The following ZC3H12B variants were observed in gnomAD, a reference collection of about 807,000 sequenced individuals.
The protein encoded by ZC3H12B is zinc finger CCCH-type containing 12B, also known as probable ribonuclease ZC3H12B.
In ZC3H12B, 7 loss-of-function variants were observed where a neutral mutation model predicts 43.9. That is an observed-to-expected ratio of 0.16 (90% CI 0.09 to 0.30). The LOEUF (loss-of-function observed/expected upper bound fraction) is 0.30. Ranked by LOEUF, ZC3H12B falls within the 10% of genes least tolerant of loss-of-function variation. The pLI is 1.00. For synonymous variants in ZC3H12B, 222 were observed against 241.7 expected (o/e 0.92, Z 0.76); for missense variants, 475 against 670.2 (o/e 0.71, Z 3.22).
the ZC3H12B span, among the ~76,000 whole-genome samples, chrX:65,318,349 CTTCTTCCTTCT>C: frequency 3.7e-5 from 4 of 107,544 alleles, no homozygotes; most frequent in East Asian, 8.7e-4. Context: ...TTCTTTCTTC[CTTCTTCCTTCT>C]TTCTTCCTTC....
the ZC3H12B span, among the ~76,000 whole-genome samples, chrX:65,066,497 A>G: frequency 9.0e-6 from 1 of 111,324 alleles, no homozygotes; most frequent in African/African-American, 3.3e-5. Flanking sequence ...ATTGCTTCCT[A>G]TTCTTTCCTC....
the ZC3H12B span, among the ~76,000 whole-genome samples, chrX:65,284,772 AG>A: frequency 3.1e-4 from 35 of 111,673 alleles, no homozygotes; most frequent in African/African-American, 1.1e-3. Context: ...AAAAAAAAAA[AG>A]AAATTTACTA....
At chrX:65,171,287 T>A in the ZC3H12B span, among the ~76,000 whole-genome samples, 2 of 111,540 alleles carry the variant, frequency 1.8e-5, no homozygotes, top group African/African-American at 6.5e-5. Flanking sequence ...GCAGGTCTGT[T>A]GGAGTTTGCT....
the ZC3H12B span, among the ~76,000 whole-genome samples, chrX:65,222,960 G>A: frequency 1.8e-5 from 2 of 111,267 alleles, no homozygotes; most frequent in Non-Finnish European, 3.8e-5. Context: ...AAATCTGGAG[G>A]CATCACATTA....
chrX:65,329,140 G>A, the ZC3H12B span, among the ~76,000 whole-genome samples: 2 of 111,205 alleles, frequency 1.8e-5, no homozygotes, highest in African/African-American at 6.6e-5. Flanking sequence ...TTCCACAATG[G>A]GTGAACTAGT....
the ZC3H12B span, among the ~76,000 whole-genome samples, chrX:65,262,060 A>G: frequency 1.8e-5 from 2 of 110,622 alleles, no homozygotes; most frequent in Admixed American, 1.9e-4. Context: ...GCTCCTTTTT[A>G]TAGGGTCTTT....
chrX:65,309,716 C>T, the ZC3H12B span, among the ~76,000 whole-genome samples: 2 of 111,882 alleles, frequency 1.8e-5, no homozygotes, highest in African/African-American at 6.5e-5. Context: ...ATGAATATCC[C>T]TGATGAATAT....
At chrX:65,428,503 A>G (rs940572661) in intron 3 of ZC3H12B, among the ~76,000 whole-genome samples, 2 of 112,520 alleles carry the variant, frequency 1.8e-5, no homozygotes, top group African/African-American at 6.5e-5. Context: ...TCAGAAAGAT[A>G]GTCTTCAAAC....
chrX:65,446,812 T>C (rs1292373350), intron 3 of ZC3H12B, among the ~76,000 whole-genome samples: 1 of 111,918 alleles, frequency 8.9e-6, no homozygotes, highest in Non-Finnish European at 1.9e-5. Context: ...TAAAACCAGG[T>C]ACTGTGACCA....
At chrX:65,461,475 G>A (rs2067745591) in intron 3 of ZC3H12B, among the ~76,000 whole-genome samples, 1 of 112,227 alleles carries the variant, frequency 8.9e-6, no homozygotes, top group African/African-American at 3.2e-5. Flanking sequence ...ATGATAGACG[G>A]GATTAAGCAA....
chrX:65,227,681 T>C, the ZC3H12B span, among the ~76,000 whole-genome samples: 1 of 110,217 alleles, frequency 9.1e-6, no homozygotes. Flanking sequence ...ATAAACACAA[T>C]AAAAAATGAT....
the ZC3H12B span, among the ~76,000 whole-genome samples, chrX:65,226,180 GCA>G: frequency 5.4e-5 from 6 of 111,942 alleles, no homozygotes; most frequent in Admixed American, 3.8e-4. Flanking sequence ...AGATCTCTCG[GCA>G]GAAAATCTAC....
At chrX:65,212,126 A>G in the ZC3H12B span, among the ~76,000 whole-genome samples, 1 of 56,612 alleles carries the variant, frequency 1.8e-5, no homozygotes, top group Admixed American at 3.6e-4. Flanking sequence ...ATAGTATATA[A>G]TATACTATAT....
the ZC3H12B span, among the ~76,000 whole-genome samples, chrX:65,120,054 G>A: frequency 2.7e-5 from 3 of 111,979 alleles, no homozygotes; most frequent in African/African-American, 9.7e-5. Flanking sequence ...CTGTAGCCTT[G>A]TAGTATAGTT....
At chrX:65,419,870 G>T (rs112373933) in intron 3 of ZC3H12B, among the ~76,000 whole-genome samples, 2,102 of 111,449 alleles carry the variant, frequency 0.019, 62 homozygotes, top group African/African-American at 0.065. Context: ...CAAGCTTCAG[G>T]CCAGTCCCAG....
At chrX:65,292,336 A>G in the ZC3H12B span, among the ~76,000 whole-genome samples, 5 of 112,154 alleles carry the variant, frequency 4.5e-5, no homozygotes, top group African/African-American at 1.3e-4. Context: ...AGGGACATGG[A>G]TGGAGCTGGA....
intron 2 of ZC3H12B, among the ~76,000 whole-genome samples, chrX:65,396,263 A>G (rs955028991): frequency 3.6e-5 from 4 of 111,076 alleles, no homozygotes; most frequent in African/African-American, 1.3e-4. Context: ...AGTTATTTTA[A>G]CTGTGATGTC....
the ZC3H12B span, among the ~76,000 whole-genome samples, chrX:65,230,601 C>T: frequency 9.8e-6 from 1 of 101,925 alleles, no homozygotes; most frequent in East Asian, 3.0e-4. Context: ...CATCACCTTT[C>T]CCCCAGCGCC....
chrX:65,380,385 T>C lies in ZC3H12B; in HGVS notation n.295+11387T>C, dbSNP rs759780517. ...CTTCATAAGTGAAGGAGAAATAAAA[T>C]ACTTTACAGACAAGCAAATGCTGAG... On this transcript the variant is annotated intron_variant and non_coding_transcript_variant, in intron 2 of 5. Transcript: ENST00000617377. Among the ~76,000 whole-genome samples, 18 of 111,056 alleles carry C rather than the reference T, an allele frequency of 1.6e-4. No homozygotes were observed. In the South Asian group the frequency reaches 2.3e-3, roughly 14 times the overall value.
Sources: allele counts gnomAD v4.1 joint callset (sites outside exome capture counted in the v4.1 genomes callset), GRCh38; gene constraint gnomAD v4.1.1; transcripts MANE v1.5; gene names NCBI Gene and HGNC (gene_info 2026-07-23, HGNC 2026-07-21).